ITGBL1: variants seen among roughly 807,000 people sequenced by gnomAD.
ITGBL1 encodes the protein integrin subunit beta like 1.
In ITGBL1, 51 loss-of-function variants were observed where a neutral mutation model predicts 68.5. The observed-to-expected ratio is 0.74, with a 90% CI of 0.59 to 0.94. The LOEUF (loss-of-function observed/expected upper bound fraction) is 0.94. ITGBL1 is among the 40% of genes least tolerant of loss of function. ITGBL1 has a pLI of 0.00. For synonymous variants in ITGBL1, 209 were observed against 227.3 expected, an observed-to-expected ratio of 0.92 and a Z score of 0.72; for missense variants, 649 against 647.4, an observed-to-expected ratio of 1.00 and a Z score of -0.03.
At chr13:101,457,159 A>G (rs2048255670) in intron 2 of ITGBL1, among the ~76,000 whole-genome samples, 1 of 152,238 alleles carries the variant, frequency 6.6e-6, no homozygotes, top group Non-Finnish European at 1.5e-5. Flanking sequence ...TATATACATA[A>G]TATTATTACA....
chr13:101,479,803 A>C (rs1211947195), intron 2 of ITGBL1, among the ~76,000 whole-genome samples: 1 of 152,084 alleles, frequency 6.6e-6, no homozygotes, highest in African/African-American at 2.4e-5. Context: ...AAAGGCAGGC[A>C]GTAACATTCC....
At chr13:101,560,866 T>C (rs1418966640) in intron 2 of ITGBL1, among the ~76,000 whole-genome samples, 2 of 152,228 alleles carry the variant, frequency 1.3e-5, no homozygotes, top group Non-Finnish European at 2.9e-5. Context: ...AGTTATTCTT[T>C]ACCCTTGATG....
intron 7 of ITGBL1, among the ~76,000 whole-genome samples, chr13:101,605,852 A>G (rs963708182): frequency 6.7e-6 from 1 of 150,008 alleles, no homozygotes; most frequent in East Asian, 2.0e-4. Flanking sequence ...ATACATATGT[A>G]TGTGTGTATA....
intron 2 of ITGBL1, among the ~76,000 whole-genome samples, chr13:101,494,596 G>A (rs1410354057): frequency 6.6e-6 from 1 of 152,144 alleles, no homozygotes; most frequent in Non-Finnish European, 1.5e-5. Context: ...GAAGGAAAAT[G>A]CTATACATAT....
chr13:101,617,500 A>T (rs996235085), intron 7 of ITGBL1, among the ~76,000 whole-genome samples: 1 of 152,182 alleles, frequency 6.6e-6, no homozygotes, highest in Non-Finnish European at 1.5e-5. Context: ...TCATATGAGT[A>T]CAACCTGGCA....
chr13:101,602,954 C>G (rs533973121), intron 7 of ITGBL1, among the ~76,000 whole-genome samples: 2 of 152,076 alleles, frequency 1.3e-5, no homozygotes, highest in African/African-American at 4.8e-5. Context: ...GATACACCAC[C>G]GTTATTTAAC....
At chr13:101,499,941 G>A (rs1269397902) in intron 2 of ITGBL1, among the ~76,000 whole-genome samples, 1 of 152,138 alleles carries the variant, frequency 6.6e-6, no homozygotes, top group African/African-American at 2.4e-5. Context: ...CTGGACCTCA[G>A]TGTGGCTTTC....
chr13:101,467,305 T>C (rs4112527), intron 2 of ITGBL1, among the ~76,000 whole-genome samples: 53,533 of 152,002 alleles, frequency 0.35, 10,780 homozygotes, highest in Non-Finnish European at 0.45. Context: ...TTTGGGAAAT[T>C]TAGCTTCCAA....
chr13:101,621,989 G>C (rs2031602548), intron 7 of ITGBL1, among the ~76,000 whole-genome samples: 1 of 152,038 alleles, frequency 6.6e-6, no homozygotes, highest in African/African-American at 2.4e-5. Context: ...AAAGAAATGG[G>C]AGGAAATGTT....
chr13:101,674,183 T>TAC (rs1455064058), intron 7 of ITGBL1, among the ~76,000 whole-genome samples: 19 of 152,144 alleles, frequency 1.2e-4, no homozygotes, highest in African/African-American at 4.3e-4. Flanking sequence ...CACACACACA[T>TAC]ACACACACTC....
At chr13:101,642,080 T>C (rs1197948427) in intron 7 of ITGBL1, among the ~76,000 whole-genome samples, 1 of 151,756 alleles carries the variant, frequency 6.6e-6, no homozygotes, top group East Asian at 1.9e-4. Flanking sequence ...ATATACCCAG[T>C]AATGGGATGG....
intron 7 of ITGBL1, among the ~76,000 whole-genome samples, chr13:101,606,262 G>A (rs1318892256): frequency 6.7e-6 from 1 of 149,564 alleles, no homozygotes; most frequent in African/African-American, 2.5e-5. Flanking sequence ...TATTTCTGCT[G>A]GTGGTGACTA....
chr13:101,473,255 G>T (rs1240837451), intron 2 of ITGBL1, among the ~76,000 whole-genome samples: 2 of 152,110 alleles, frequency 1.3e-5, no homozygotes, highest in Admixed American at 1.3e-4. Flanking sequence ...GCAATGAAGA[G>T]GTAGGAAAGA....
intron 8 of ITGBL1, among the ~76,000 whole-genome samples, chr13:101,696,972 G>T (rs1185493404): frequency 6.6e-6 from 1 of 151,938 alleles, no homozygotes; most frequent in African/African-American, 2.4e-5. Flanking sequence ...TTTAGGCCTG[G>T]GAAAGCTGGG....
chr13:101,611,946 C>G (rs1278511908), intron 7 of ITGBL1, among the ~76,000 whole-genome samples: 4 of 152,134 alleles, frequency 2.6e-5, no homozygotes, highest in African/African-American at 9.7e-5. Flanking sequence ...ATGTGACTAA[C>G]CCATCGTTCT....
intron 2 of ITGBL1, among the ~76,000 whole-genome samples, chr13:101,535,951 T>C (rs1353423699): frequency 6.6e-6 from 1 of 152,098 alleles, no homozygotes; most frequent in Non-Finnish European, 1.5e-5. Flanking sequence ...TCATGGTTAG[T>C]TCTGTACTTT....
chr13:101,645,313 A>G (rs1836844), intron 7 of ITGBL1, among the ~76,000 whole-genome samples: 94,841 of 152,020 alleles, frequency 0.62, 30,360 homozygotes, highest in African/African-American at 0.76. Flanking sequence ...GACATTGCTT[A>G]TTCTTTAAGT....
intron 7 of ITGBL1, among the ~76,000 whole-genome samples, chr13:101,625,445 T>G (rs553880764): frequency 1.3e-5 from 2 of 152,306 alleles, no homozygotes; most frequent in African/African-American, 4.8e-5. Context: ...TGATATTGCT[T>G]CTTCTGTAGG....
At chr13:101,620,823 C>A (rs533301373) in intron 7 of ITGBL1, among the ~76,000 whole-genome samples, 1 of 152,224 alleles carries the variant, frequency 6.6e-6, no homozygotes, top group Non-Finnish European at 1.5e-5. Context: ...GCCAGAGACT[C>A]CCACCAGTGA....
Sources: gnomAD v4.1 joint callset for allele counts (sites outside exome capture counted in the v4.1 genomes callset) on GRCh38, gnomAD v4.1.1 for gene constraint, MANE v1.5 for transcripts, NCBI Gene and HGNC (gene_info 2026-07-23, HGNC 2026-07-21) for gene names.